Variants in UBE2H observed in about 807,000 individuals in gnomAD.
The protein encoded by UBE2H is ubiquitin-conjugating enzyme E2 H.
UBE2H carries 3 observed loss-of-function variants against 29.0 expected under a neutral mutation model. The observed-to-expected ratio is 0.10, with a 90% CI of 0.05 to 0.27. The LOEUF (loss-of-function observed/expected upper bound fraction) is 0.27, where lower values mean the gene tolerates loss of function less well. Among genes scored for constraint, UBE2H ranks in the 10% least tolerant of loss-of-function variants. The pLI is 1.00. For missense variants in UBE2H, 68 were observed against 228.2 expected (o/e 0.30, Z 4.52); for synonymous variants, 69 against 82.9 (o/e 0.83, Z 0.91).
intron 3 of UBE2H, among the ~76,000 whole-genome samples, chr7:129,859,885 C>CTT (rs1805768605): frequency 6.6e-6 from 1 of 152,104 alleles, no homozygotes; most frequent in African/African-American, 2.4e-5. Flanking sequence ...TCCCCACAGT[C>CTT]TCTCTCTCTC....
chr7:129,883,679 T>C (rs904949275), intron 1 of UBE2H, among the ~76,000 whole-genome samples: 1 of 152,132 alleles, frequency 6.6e-6, no homozygotes, highest in African/African-American at 2.4e-5. Flanking sequence ...CTATCTCTAC[T>C]AAAAACACAA....
At chr7:129,914,962 C>A (rs185610718) in intron 1 of UBE2H, among the ~76,000 whole-genome samples, 9 of 152,140 alleles carry the variant, frequency 5.9e-5, no homozygotes, top group Non-Finnish European at 1.0e-4. Context: ...GCCCAGGATG[C>A]GCTCAAATGT....
chr7:129,910,499 C>A (rs1195581293), intron 1 of UBE2H, among the ~76,000 whole-genome samples: 1 of 152,138 alleles, frequency 6.6e-6, no homozygotes, highest in African/African-American at 2.4e-5. Context: ...GACTTTTAAA[C>A]CAAGACTCCA....
At chr7:129,898,086 A>G (rs1420178342) in intron 1 of UBE2H, among the ~76,000 whole-genome samples, 1 of 152,244 alleles carries the variant, frequency 6.6e-6, no homozygotes, top group Non-Finnish European at 1.5e-5. Context: ...GCTGTTAAAG[A>G]AACACCCTAC....
intron 1 of UBE2H, among the ~76,000 whole-genome samples, chr7:129,932,729 A>C (rs1361465737): frequency 7.0e-6 from 1 of 143,112 alleles, no homozygotes; most frequent in Non-Finnish European, 1.5e-5. Context: ...AGCTAAGATC[A>C]CGCCATTGCA....
intron 1 of UBE2H, among the ~76,000 whole-genome samples, chr7:129,906,900 A>G (rs1563041925): frequency 6.6e-6 from 1 of 152,232 alleles, no homozygotes; most frequent in Admixed American, 6.5e-5. Flanking sequence ...CTACCTTTGG[A>G]TGAATTTTCA....
Position 129,876,299 on chromosome 7 carries a change from C to G in UBE2H, c.205+3269G>C, listed in dbSNP as rs183371755. Among the ~76,000 whole-genome samples, 20 of 152,290 alleles carry G rather than the reference C, an allele frequency of 1.3e-4. No homozygotes were observed. In the East Asian group the frequency reaches 3.5e-3, roughly 26 times the overall value. On this transcript the variant is annotated intron_variant, in intron 3 of 6. Coordinates refer to ENST00000355621, the MANE Select transcript of UBE2H (RefSeq NM_003344.4). ...TGGTCAAGGAGAACCAGGGCCAGAA[C>G]TTCTCTACCCTGATAACCAGTCCAC...
intron 1 of UBE2H, among the ~76,000 whole-genome samples, chr7:129,950,396 G>A (rs1401393131): frequency 6.6e-6 from 1 of 151,690 alleles, no homozygotes. Flanking sequence ...CACTTAGGGG[G>A]AGAAAAAAAA....
chr7:129,907,175 G>A (rs1231922776), intron 1 of UBE2H, among the ~76,000 whole-genome samples: 2 of 151,934 alleles, frequency 1.3e-5, no homozygotes, highest in Non-Finnish European at 1.5e-5. Flanking sequence ...TCCGTTGTAC[G>A]TTTCCTACCC....
Position 129,874,555 on chromosome 7 carries a change from C to T in UBE2H, c.205+5013G>A, listed in dbSNP as rs139828543. Reference sequence around the variant, plus strand: ...CAATCTCCTGAGGTCATGATCCACCCGCCTCGGCCTCCCAAAGTGTTGGGA... The same window carrying T: ...CAATCTCCTGAGGTCATGATCCACCTGCCTCGGCCTCCCAAAGTGTTGGGA... On this transcript the variant is annotated intron_variant, in intron 3 of 6. Transcript: ENST00000355621. 4.5e-3 allele frequency among the ~76,000 whole-genome samples: 681 copies of T among 152,240 alleles called. 5 individuals carry two copies. Among genetic ancestry groups the T allele is most frequent in the African/African-American group, 0.015 (604 of 41,550 alleles).
rs1010782283 is a variant in UBE2H, at chr7:129,874,928, T to A, written c.205+4640A>T. On this transcript the variant is annotated intron_variant, in intron 3 of 6. Coordinates refer to ENST00000355621, the MANE Select transcript of UBE2H (RefSeq NM_003344.4). ...GGAAGGAAAACAGTGTGTGCACTTATACACACACATAATTAAAATTTAAAG... is the reference window on the plus strand; with the variant it reads ...GGAAGGAAAACAGTGTGTGCACTTAAACACACACATAATTAAAATTTAAAG... 2.0e-5 allele frequency among the ~76,000 whole-genome samples: 3 copies of A among 152,106 alleles called. No homozygotes were observed. The East Asian group carries it at 5.8e-4, about 29-fold the overall frequency.
At chr7:129,841,104 G>A (rs1445842728) in intron 5 of UBE2H, among the ~76,000 whole-genome samples, 1 of 152,292 alleles carries the variant, frequency 6.6e-6, no homozygotes, top group Non-Finnish European at 1.5e-5. Context: ...AAGAAACCCT[G>A]ATCTAGATAA....
chr7:129,850,038 TA>T (rs955190547), intron 5 of UBE2H, among the ~76,000 whole-genome samples: 18 of 152,004 alleles, frequency 1.2e-4, no homozygotes, highest in African/African-American at 4.3e-4. Flanking sequence ...GTGGGATGCT[TA>T]AAAAACACAC....
Position 129,952,480 on chromosome 7 carries a change from G to A in UBE2H, c.53+23C>T, listed in dbSNP as rs772381855. 37 of 1,610,950 alleles carry A rather than the reference G, an allele frequency of 2.3e-5. No individual in the cohort carries two copies. The South Asian group carries it at 3.6e-4, about 16-fold the overall frequency. ...CCACACCGCCCCCCACACACAGCCC[G>A]AATTCCCCTCCACGAAGGATACAGC... On this transcript the variant is annotated intron_variant, in intron 1 of 6. Transcript: ENST00000355621.
chr7:129,873,073 G>A (rs1233876247), intron 3 of UBE2H, among the ~76,000 whole-genome samples: 56 of 150,074 alleles, frequency 3.7e-4, no homozygotes, highest in Non-Finnish European at 1.5e-5. Flanking sequence ...AGGCTGGAGT[G>A]CCGTGGCGCG....
chr7:129,910,073 A>G (rs1471870457), intron 1 of UBE2H, among the ~76,000 whole-genome samples: 9 of 152,040 alleles, frequency 5.9e-5, no homozygotes. Flanking sequence ...GCTCGCCTAT[A>G]ATCCCAGCAC....
chr7:129,915,318 C>G (rs555082578), intron 1 of UBE2H, among the ~76,000 whole-genome samples: 1 of 152,096 alleles, frequency 6.6e-6, no homozygotes, highest in Non-Finnish European at 1.5e-5. Flanking sequence ...GGGCAGATCA[C>G]GAGGTCAGGA....
intron 5 of UBE2H, among the ~76,000 whole-genome samples, chr7:129,851,908 A>G (rs191337094): frequency 6.6e-6 from 1 of 152,220 alleles, no homozygotes; most frequent in Non-Finnish European, 1.5e-5. Flanking sequence ...GCACTGTTGA[A>G]GCGCAAATCC....
chr7:129,939,932 C>T (rs1485140520), intron 1 of UBE2H, among the ~76,000 whole-genome samples: 1 of 151,472 alleles, frequency 6.6e-6, no homozygotes, highest in Non-Finnish European at 1.5e-5. Context: ...GCACTCCAGA[C>T]TGGGCGACAA....
Sources: gnomAD v4.1 joint callset for allele counts (sites outside exome capture counted in the v4.1 genomes callset) on GRCh38, gnomAD v4.1.1 for gene constraint, MANE v1.5 for transcripts, NCBI Gene and HGNC (gene_info 2026-07-23, HGNC 2026-07-21) for gene names.